The following EFNA5 variants were observed in gnomAD, a reference collection of about 807,000 sequenced individuals.
The protein encoded by EFNA5 is ephrin A5.
Under a neutral mutation model 22.9 loss-of-function variants are expected in EFNA5, and 5 were observed. The ratio of observed to expected loss-of-function variants is 0.22; its 90% CI spans 0.11 to 0.46. EFNA5 has a LOEUF of 0.46. EFNA5 is among the 20% of genes least tolerant of loss of function. The pLI, the probability that EFNA5 is intolerant of heterozygous loss-of-function variation, is 0.99. For synonymous variants in EFNA5, 113 were observed against 112.2 expected (o/e 1.01, Z -0.04); for missense variants, 237 against 293.3 (o/e 0.81, Z 1.40).
chr5:107,611,950 G>A (rs1016393143), intron 1 of EFNA5, among the ~76,000 whole-genome samples: 1 of 152,126 alleles, frequency 6.6e-6, no homozygotes, highest in Admixed American at 6.5e-5. Flanking sequence ...GAAACTAAAT[G>A]GGTAACTGCT....
rs1747402129 is a variant in EFNA5, at chr5:107,380,261, C to T, written c.*994G>A. On this transcript the variant is annotated 3_prime_UTR_variant, in exon 5 of 5. Transcript: ENST00000333274. The stretch of plus-strand genomic sequence containing the variant: ...GGCCACTGCGGTCCTCTCCTTGGTA[C>T]ATGTCATCCCCCAGAGGAGTATCCA... 1 of 151,648 alleles carries T rather than the reference C, an allele frequency of 6.6e-6. No individual in the cohort carries two copies. Among genetic ancestry groups the T allele is most frequent in the African/African-American group, 2.4e-5 (1 of 41,182 alleles). 9.4% of individuals were successfully genotyped at this position (151,648 alleles called of 1,614,324 possible). A position where few individuals can be genotyped will look rare whatever the true frequency, so the allele number is the denominator to read the frequency against.
At chr5:107,615,492 A>G (rs543311091) in intron 1 of EFNA5, among the ~76,000 whole-genome samples, 3 of 152,242 alleles carry the variant, frequency 2.0e-5, no homozygotes, top group African/African-American at 7.2e-5. Context: ...TGGATTTAAC[A>G]CCCCTGCCTT....
intron 2 of EFNA5, among the ~76,000 whole-genome samples, chr5:107,414,994 G>T (rs940898738): frequency 6.6e-6 from 1 of 152,138 alleles, no homozygotes; most frequent in Non-Finnish European, 1.5e-5. Flanking sequence ...TTCACACATG[G>T]ATAAGAGCTA....
At chr5:107,595,187 GGT>G (rs1749449800) in intron 1 of EFNA5, among the ~76,000 whole-genome samples, 1 of 151,756 alleles carries the variant, frequency 6.6e-6, no homozygotes, top group African/African-American at 2.4e-5. Context: ...TTGAGAATAT[GGT>G]AATAAGTATA....
intron 4 of EFNA5, among the ~76,000 whole-genome samples, chr5:107,383,726 C>T (rs1214454370): frequency 6.6e-6 from 1 of 152,220 alleles, no homozygotes; most frequent in Non-Finnish European, 1.5e-5. Flanking sequence ...ACCCCTTCAT[C>T]ACCACCCTAG....
At chr5:107,595,663 C>G (rs1355404615) in intron 1 of EFNA5, among the ~76,000 whole-genome samples, 1 of 152,144 alleles carries the variant, frequency 6.6e-6, no homozygotes, top group Non-Finnish European at 1.5e-5. Flanking sequence ...CCTGCAATGC[C>G]GGGGGTAACA....
rs1346361417 is a variant in EFNA5, at chr5:107,622,438, T to C, written c.125+48051A>G. On this transcript the variant is annotated intron_variant, in intron 1 of 4. Coordinates refer to ENST00000333274, the MANE Select transcript of EFNA5 (RefSeq NM_001962.3). ...AAACCTTTCCAGGTGAACAAAAATA[T>C]GAAGCTATGGTTGAAAAATCACACA... 3.9e-5 allele frequency among the ~76,000 whole-genome samples: 6 copies of C among 152,342 alleles called. No homozygotes were observed. In the East Asian group the frequency reaches 1.2e-3, roughly 29 times the overall value.
chr5:107,578,495 AGT>A (rs1748972898), intron 1 of EFNA5, among the ~76,000 whole-genome samples: 1 of 152,194 alleles, frequency 6.6e-6, no homozygotes, highest in East Asian at 1.9e-4. Flanking sequence ...GAGGAAAAAA[AGT>A]GAGAAATTTC....
intron 1 of EFNA5, among the ~76,000 whole-genome samples, chr5:107,592,020 AATATAT>A (rs1321931450): frequency 0.014 from 779 of 55,568 alleles, 37 homozygotes; most frequent in Non-Finnish European, 0.016. Context: ...TATATAATAT[AATATAT>A]ATTATATATT....
At chr5:107,585,668 A>C (rs2112497866) in intron 1 of EFNA5, among the ~76,000 whole-genome samples, 1 of 152,312 alleles carries the variant, frequency 6.6e-6, no homozygotes, top group East Asian at 1.9e-4. Flanking sequence ...AGAAAAGGGG[A>C]TGGTAGGGTA....
intron 2 of EFNA5, among the ~76,000 whole-genome samples, chr5:107,417,124 T>C (rs1278488110): frequency 1.3e-5 from 2 of 152,208 alleles, no homozygotes; most frequent in African/African-American, 4.8e-5. Context: ...GCACATGTTA[T>C]TTGTTTTTAT....
At chr5:107,501,177 T>C (rs2112425422) in intron 1 of EFNA5, among the ~76,000 whole-genome samples, 1 of 152,348 alleles carries the variant, frequency 6.6e-6, no homozygotes, top group South Asian at 2.1e-4. Context: ...CAGGCCCTTG[T>C]TAAAACAATT....
intron 1 of EFNA5, among the ~76,000 whole-genome samples, chr5:107,532,848 T>G (rs1391129180): frequency 6.6e-6 from 1 of 152,178 alleles, no homozygotes; most frequent in African/African-American, 2.4e-5. Context: ...GTATGAATAC[T>G]TTACGCCAGA....
In EFNA5 at chr5:107,557,666, A is replaced by T. The variant is rs533019711; in HGVS notation, c.125+112823T>A. On this transcript the variant is annotated intron_variant, in intron 1 of 4. Coordinates refer to ENST00000333274, the MANE Select transcript of EFNA5 (RefSeq NM_001962.3). ...GTTCTCCTCTGTACAAAGGGGATTT[A>T]AAAAGAGGCTCTAATATCAGAGATT... is the stretch of plus-strand genomic sequence containing the variant. Among the ~76,000 whole-genome samples the T allele has an allele frequency of 2.0e-5, 3 of 152,340 alleles. No homozygotes were observed. The South Asian group carries it at 6.2e-4, about 32-fold the overall frequency.
intron 1 of EFNA5, among the ~76,000 whole-genome samples, chr5:107,601,536 T>A (rs1250125956): frequency 6.6e-6 from 1 of 152,112 alleles, no homozygotes; most frequent in African/African-American, 2.4e-5. Context: ...GAGAGCAAAA[T>A]AACATGAAAA....
At chr5:107,433,900 CA>C (rs35303771) in intron 1 of EFNA5, among the ~76,000 whole-genome samples, 56,594 of 130,482 alleles carry the variant, frequency 0.43, 11,017 homozygotes, top group African/African-American at 0.52. Flanking sequence ...GACCCTGTCT[CA>C]AAAAAAAAAA....
At chr5:107,657,835 T>C (rs1051899392) in intron 1 of EFNA5, among the ~76,000 whole-genome samples, 1 of 152,098 alleles carries the variant, frequency 6.6e-6, no homozygotes, top group Non-Finnish European at 1.5e-5. Flanking sequence ...ATATTGTATT[T>C]ATATACACAG....
intron 1 of EFNA5, among the ~76,000 whole-genome samples, chr5:107,493,360 A>G (rs1012992910): frequency 2.0e-5 from 3 of 152,212 alleles, no homozygotes; most frequent in Admixed American, 2.0e-4. Context: ...TGATTAAAAA[A>G]AAAAGTTAAA....
chr5:107,539,916 A>C lies in EFNA5; in HGVS notation c.126-112407T>G, dbSNP rs529983646. ...GCTAGAGGTCAGAACAGGCTTTCGA[A>C]TGTGGCTTTTGAAGTCACACCTTAG... On this transcript the variant is annotated intron_variant, in intron 1 of 4. Transcript: ENST00000333274. Among the ~76,000 whole-genome samples, 15 of 152,298 alleles carry C rather than the reference A, an allele frequency of 9.8e-5. 1 individual carries two copies. The South Asian group carries it at 1.7e-3, about 17-fold the overall frequency.
Sources: allele counts gnomAD v4.1 joint callset (sites outside exome capture counted in the v4.1 genomes callset), GRCh38; gene constraint gnomAD v4.1.1; transcripts MANE v1.5; gene names NCBI Gene and HGNC (gene_info 2026-07-23, HGNC 2026-07-21).